The following CSMD2 variants were observed in gnomAD, a reference collection of about 807,000 sequenced individuals.
The protein encoded by CSMD2 is CUB and Sushi multiple domains 2, also known as CUB and sushi domain-containing protein 2.
A neutral mutation model predicts 398.5 loss-of-function variants in CSMD2; 130 were observed. The observed-to-expected ratio is 0.33, with a 90% CI of 0.28 to 0.38. The LOEUF (loss-of-function observed/expected upper bound fraction) is 0.38, where lower values mean the gene tolerates loss of function less well. Among genes scored for constraint, CSMD2 ranks in the 10% least tolerant of loss-of-function variants. The pLI is 1.00. For missense variants in CSMD2, 3,829 were observed against 4,764.9 expected (o/e 0.80, Z 5.78); for synonymous variants, 1,828 against 1,908.5 (o/e 0.96, Z 1.10).
rs772725862 is a variant in CSMD2 at position 33,583,694 on chromosome 1, T to C, written c.7188A>G (p.Thr2396=). 8.7e-6 allele frequency: 14 copies of C among 1,614,158 alleles called. No homozygotes were observed. The South Asian group carries it at 1.4e-4, about 16-fold the overall frequency. ...GCTTCTCGCTGAGGAAGTACTCCAC[T>C]GTGAGGGAGATGTTATAGTCGGGCT... The part of the protein sequence containing the change: ...RVEPDYNISL[T]VEYFLSEKQY... Residue 2396 remains threonine (T), a synonymous_variant, in exon 47 of 71, where the codon ACA becomes ACG. Transcript: ENST00000373381.
At chr1:33,975,341 G>A (rs1019974069) in intron 3 of CSMD2, among the ~76,000 whole-genome samples, 6 of 152,024 alleles carry the variant, frequency 3.9e-5, no homozygotes, top group African/African-American at 1.5e-4. Flanking sequence ...TCCTGGGTTA[G>A]AGTACAAACA....
intron 10 of CSMD2, chr1:33,804,895 C>T: frequency 1.4e-6 from 1 of 717,376 alleles, no homozygotes; most frequent in South Asian, 1.5e-5. Flanking sequence ...GGGTCTCCTC[C>T]CGCCTGGATC....
chr1:33,571,454 C>A (rs950363909), intron 51 of CSMD2, 78 bp downstream of exon 51: 2 of 1,169,400 alleles, frequency 1.7e-6, no homozygotes, highest in African/African-American at 1.6e-5. Flanking sequence ...TTCCCCCACC[C>A]CAGTTCACTC....
chr1:34,130,023 G>A (rs1433581227), intron 1 of CSMD2, among the ~76,000 whole-genome samples: 1 of 152,148 alleles, frequency 6.6e-6, no homozygotes, highest in Non-Finnish European at 1.5e-5. Context: ...AGGCCCTGGG[G>A]AGCTCAAGAA....
chr1:34,045,567 T>C (rs1162494371), intron 2 of CSMD2, among the ~76,000 whole-genome samples: 2 of 152,216 alleles, frequency 1.3e-5, no homozygotes, highest in Admixed American at 1.3e-4. Context: ...TGTGCATTTA[T>C]TTTTGGAGGC....
At chr1:33,958,285 GT>G (rs1240298679) in intron 3 of CSMD2, among the ~76,000 whole-genome samples, 1 of 152,100 alleles carries the variant, frequency 6.6e-6, no homozygotes. Flanking sequence ...ACATAGCATT[GT>G]TCTGAGAATG....
intron 15 of CSMD2, among the ~76,000 whole-genome samples, chr1:33,728,562 G>A (rs1484198364): frequency 6.6e-6 from 1 of 152,008 alleles, no homozygotes; most frequent in Non-Finnish European, 1.5e-5. Context: ...GAAAACTAAG[G>A]CCAAGTAGGT....
chr1:33,609,628 T>A (rs74335624), intron 41 of CSMD2, among the ~76,000 whole-genome samples: 1 of 152,214 alleles, frequency 6.6e-6, no homozygotes, highest in East Asian at 1.9e-4. Context: ...TTTTTCTTTT[T>A]TTAAAAGATA....
intron 3 of CSMD2, among the ~76,000 whole-genome samples, chr1:33,943,691 T>C (rs541185925): frequency 9.3e-4 from 141 of 152,282 alleles, no homozygotes; most frequent in African/African-American, 3.3e-3. Flanking sequence ...CATCCACTTA[T>C]AACACCCTGG....
At position 33,832,000 on chromosome 1, in the gene CSMD2, G is replaced by A. The variant is rs1171188482; in HGVS notation, c.1034-6226C>T. On this transcript the variant is annotated intron_variant, in intron 6 of 70. Coordinates refer to ENST00000373381, the MANE Select transcript of CSMD2 (RefSeq NM_001281956.2). ...ATATGCACCCAATACAGGAGCACCC[G>A]GGTTCATAAAGCAAGTCCTGAGTGA... Among the ~76,000 whole-genome samples, 311 of 151,970 alleles carry A rather than the reference G, an allele frequency of 2.0e-3. 2 individuals carry two copies. The highest frequency in any genetic ancestry group is 0.01 in the Middle Eastern group (3 of 294).
intron 3 of CSMD2, among the ~76,000 whole-genome samples, chr1:33,944,110 C>A (rs1644765358): frequency 6.6e-6 from 1 of 152,080 alleles, no homozygotes; most frequent in Non-Finnish European, 1.5e-5. Flanking sequence ...AATATGTGTT[C>A]TAACCAAACT....
intron 13 of CSMD2, among the ~76,000 whole-genome samples, chr1:33,752,183 AAT>A (rs1182103056): frequency 6.6e-6 from 1 of 152,152 alleles, no homozygotes; most frequent in Admixed American, 6.5e-5. Context: ...CAAACAAAAA[AAT>A]ATATAGTTTG....
intron 53 of CSMD2, among the ~76,000 whole-genome samples, chr1:33,564,912 T>C (rs1308850327): frequency 1.3e-5 from 2 of 152,222 alleles, no homozygotes; most frequent in African/African-American, 4.8e-5. Flanking sequence ...AGTGAAGAAT[T>C]ATCCAAATTA....
At chr1:34,148,812 C>T (rs528668121) in intron 1 of CSMD2, among the ~76,000 whole-genome samples, 2 of 152,234 alleles carry the variant, frequency 1.3e-5, no homozygotes, top group Admixed American at 6.5e-5. Flanking sequence ...GAGAATGCAC[C>T]GCCTAGTGCT....
chr1:34,110,663 C>A (rs999847520), intron 1 of CSMD2, among the ~76,000 whole-genome samples: 2 of 152,052 alleles, frequency 1.3e-5, no homozygotes, highest in Non-Finnish European at 2.9e-5. Context: ...TAAGTGGGAG[C>A]TAAGTGATAA....
At chr1:34,044,823 T>C (rs150074872) in intron 2 of CSMD2, among the ~76,000 whole-genome samples, 22 of 152,304 alleles carry the variant, frequency 1.4e-4, no homozygotes, top group Middle Eastern at 6.8e-3. Context: ...AAAAAAGACA[T>C]ACCAATTGAC....
At chr1:33,896,115 AT>A (rs1642369288) in intron 5 of CSMD2, among the ~76,000 whole-genome samples, 1 of 152,218 alleles carries the variant, frequency 6.6e-6, no homozygotes, top group Non-Finnish European at 1.5e-5. Flanking sequence ...ATGAGAGCAC[AT>A]ATCAGGGGAC....
At chr1:33,547,063 A>G (rs1656975765) in intron 56 of CSMD2, among the ~76,000 whole-genome samples, 1 of 152,204 alleles carries the variant, frequency 6.6e-6, no homozygotes, top group African/African-American at 2.4e-5. Flanking sequence ...CCTTTCATTA[A>G]GGATTCCCTA....
intron 5 of CSMD2, among the ~76,000 whole-genome samples, chr1:33,886,094 C>T (rs1470297191): frequency 6.6e-6 from 1 of 152,168 alleles, no homozygotes; most frequent in Non-Finnish European, 1.5e-5. Context: ...TAATAAATGT[C>T]TCCTGAATAA....
Sources: gnomAD v4.1 joint callset for allele counts (sites outside exome capture counted in the v4.1 genomes callset) on GRCh38, gnomAD v4.1.1 for gene constraint, MANE v1.5 for transcripts, NCBI Gene and HGNC (gene_info 2026-07-23, HGNC 2026-07-21) for gene names.